USO1: variants seen among roughly 807,000 people sequenced by gnomAD.
USO1 encodes the protein USO1 vesicle transport factor, also known as general vesicular transport factor p115.
In USO1, 57 loss-of-function variants were observed where a neutral mutation model predicts 124.5. The observed-to-expected ratio is 0.46, with a 90% CI of 0.37 to 0.57. The LOEUF (loss-of-function observed/expected upper bound fraction) is 0.57. Ranked by LOEUF, USO1 falls within the 20% of genes least tolerant of loss-of-function variation. The pLI is 0.00. For synonymous variants in USO1, 369 were observed against 362.8 expected, an observed-to-expected ratio of 1.02 and a Z score of -0.19; for missense variants, 900 against 1,040.6, an observed-to-expected ratio of 0.86 and a Z score of 1.86.
At chr4:75,787,295 G>A (rs1417882638) in intron 10 of USO1, 93 bp downstream of exon 10, 2 of 1,340,824 alleles carry the variant, frequency 1.5e-6, no homozygotes, top group East Asian at 2.8e-5. Flanking sequence ...AACTACAATA[G>A]TTAACCATTT....
At chr4:75,751,972 G>C (rs1451726106) in intron 1 of USO1, among the ~76,000 whole-genome samples, 2 of 151,954 alleles carry the variant, frequency 1.3e-5, no homozygotes, top group Non-Finnish European at 2.9e-5. Flanking sequence ...GAAAATGTTA[G>C]GAAAAAGATG....
chr4:75,767,312 C>T (rs1170060420), intron 4 of USO1, among the ~76,000 whole-genome samples: 1 of 152,208 alleles, frequency 6.6e-6, no homozygotes, highest in Admixed American at 6.5e-5. Context: ...GATATTCACT[C>T]AATATCTTTA....
chr4:75,800,173 G>A (rs1020645494), intron 14 of USO1, among the ~76,000 whole-genome samples, 178 bp from the exon 15 acceptor site: 1 of 152,006 alleles, frequency 6.6e-6, no homozygotes, highest in Non-Finnish European at 1.5e-5. Flanking sequence ...CTGACCTCAG[G>A]TGATCCACCC....
At chr4:75,810,293 C>T (rs1723108615) in intron 21 of USO1, 139 bp from the exon 22 acceptor site, 1 of 952,160 alleles carries the variant, frequency 1.1e-6, no homozygotes, top group East Asian at 3.1e-5. Context: ...CACTTTGTTG[C>T]ACATAAATAC....
intron 1 of USO1, 45 bp downstream of exon 1, chr4:75,724,930 G>C (rs1230808840): frequency 1.2e-6 from 2 of 1,605,188 alleles, no homozygotes; most frequent in Non-Finnish European, 1.7e-6. Flanking sequence ...GGTCCGGGCA[G>C]GGACGGGGAC....
Position 75,801,165 on chromosome 4 carries a change from A to T in USO1, c.1951A>T (p.Ile651Phe), listed in dbSNP as rs766844248. ...VKKTLEQHDNIVTHYKNMIRE... is the reference protein window; with the variant it reads ...VKKTLEQHDNFVTHYKNMIRE... ...AAAAACATTAGAACAGCATGACAAT[A>T]TTGTGACTCACTACAAAAATATGAT... The change falls in exon 17 of 24, where the codon ATT (isoleucine) becomes TTT (phenylalanine). Residue 651 changes from isoleucine (I) to phenylalanine (F), a missense_variant. Physicochemically the swap from Ile to Phe is conservative, Grantham distance 21. Coordinates refer to ENST00000514213, the MANE Select transcript of USO1 (RefSeq NM_003715.4). 9 of 1,610,688 alleles carry T rather than the reference A, an allele frequency of 5.6e-6. No homozygotes were observed. In the South Asian group the frequency reaches 1.0e-4, roughly 18 times the overall value.
intron 1 of USO1, among the ~76,000 whole-genome samples, chr4:75,725,171 CG>C (rs1389508284): frequency 6.6e-6 from 1 of 152,206 alleles, no homozygotes; most frequent in Non-Finnish European, 1.5e-5. Flanking sequence ...TGGTACCGCA[CG>C]GGAAGGGACG....
At chr4:75,804,500 T>G (rs1398140773) in intron 18 of USO1, among the ~76,000 whole-genome samples, 3 of 152,174 alleles carry the variant, frequency 2.0e-5, no homozygotes, top group Admixed American at 1.3e-4. Context: ...ATCTGGCCCA[T>G]TGATTCTCAA....
Position 75,793,603 on chromosome 4 carries a change from T to C in USO1, c.1241-87T>C, listed in dbSNP as rs573009058. 26 of 1,481,984 alleles carry C rather than the reference T, an allele frequency of 1.8e-5. 1 individual carries two copies. In the African/African-American group the frequency reaches 3.2e-4, roughly 18 times the overall value. 91.8% of individuals were successfully genotyped at this position (1,481,984 alleles called of 1,614,324 possible). ...TTATATTTAATGGTATTTCACACTA[T>C]TTTATGTGTACAGAAAACAATTTAT... is the stretch of plus-strand genomic sequence containing the variant. On this transcript the variant is annotated intron_variant, in intron 12 of 23. Transcript: ENST00000514213.
At position 75,797,966 on chromosome 4, in the gene USO1, G is replaced by A. The variant is rs138890792; in HGVS notation, c.1453-1656G>A. 7.6e-4 allele frequency among the ~76,000 whole-genome samples: 116 copies of A among 152,260 alleles called. No homozygotes were observed. The East Asian group carries it at 0.02, about 26-fold the overall frequency. On this transcript the variant is annotated intron_variant, in intron 13 of 23. Transcript: ENST00000514213. ...AACTTAGAATTAACACCTTTGTGAT[G>A]TTGAGTCTCCTATCTAAGAACATGG...
intron 8 of USO1, among the ~76,000 whole-genome samples, chr4:75,782,413 A>G (rs1370502890): frequency 1.3e-5 from 2 of 152,176 alleles, no homozygotes; most frequent in African/African-American, 4.8e-5. Flanking sequence ...TTCCTGAAGA[A>G]ATGATGTTTA....
chr4:75,738,148 T>C (rs545364609), intron 1 of USO1, among the ~76,000 whole-genome samples: 2 of 152,064 alleles, frequency 1.3e-5, no homozygotes, highest in South Asian at 4.2e-4. Flanking sequence ...ACTATTATTT[T>C]TTAAAATTCT....
At chr4:75,778,213 CTA>C (rs1231404580) in intron 8 of USO1, among the ~76,000 whole-genome samples, 1 of 152,104 alleles carries the variant, frequency 6.6e-6, no homozygotes. Context: ...CGCTAATAGA[CTA>C]TGTTTACCAG....
intron 17 of USO1, among the ~76,000 whole-genome samples, chr4:75,803,201 G>C (rs1284393581): frequency 6.6e-6 from 1 of 151,662 alleles, no homozygotes; most frequent in Non-Finnish European, 1.5e-5. Context: ...AATTAGATAG[G>C]ATTAAAAATT....
rs961747821 is a variant in USO1 at position 75,798,889 on chromosome 4, G to A, written c.1453-733G>A. Among the ~76,000 whole-genome samples, 6 of 151,982 alleles carry A rather than the reference G, an allele frequency of 3.9e-5. 1 individual carries two copies. The highest frequency in any genetic ancestry group is 1.4e-4 in the African/African-American group (6 of 41,382). On this transcript the variant is annotated intron_variant, in intron 13 of 23. Transcript: ENST00000514213. ...TATAAATATGGGCACTGTCAATATT[G>A]TGAACTAAGAGAATATTCTACCTAG...
Position 75,752,475 on chromosome 4 carries a change from A to C in USO1, c.153+16A>C. ...ATTATCTAAGGTTTGTAACTTTGTA[A>C]ATGTTTTAAGTTTCTTAAGTTGGAT... On this transcript the variant is annotated intron_variant, in intron 2 of 23. Transcript: ENST00000514213. The C allele has an allele frequency of 2.5e-6, 1 of 398,410 alleles. No homozygotes were observed. Among genetic ancestry groups the C allele is most frequent in the Non-Finnish European group, 4.4e-6 (1 of 226,010 alleles). 24.7% of individuals were successfully genotyped at this position (398,410 alleles called of 1,614,324 possible).
intron 1 of USO1, among the ~76,000 whole-genome samples, chr4:75,726,709 C>G (rs1259219351): frequency 6.6e-6 from 1 of 152,222 alleles, no homozygotes; most frequent in Non-Finnish European, 1.5e-5. Flanking sequence ...TTCACTCATC[C>G]ATTCCCACTT....
chr4:75,801,125 A>G lies in USO1; in HGVS notation c.1911A>G (p.Lys637=), dbSNP rs1183185565. 2 of 1,606,074 alleles carry G rather than the reference A, an allele frequency of 1.2e-6. No individual in the cohort carries two copies. Among genetic ancestry groups the G allele is most frequent in the Non-Finnish European group, 1.7e-6 (2 of 1,176,014 alleles). The change falls in exon 17 of 24, where the codon AAA becomes AAG. Residue 637 remains lysine, a synonymous_variant. Coordinates refer to ENST00000514213, the MANE Select transcript of USO1 (RefSeq NM_003715.4). The part of the protein sequence containing the change: ...AIYKSSEEDK[K]EEEVKKTLEQ... ...ATAAGTCCAGTGAAGAAGATAAAAA[A>G]GAAGAAGAGGTGAAAAAAACATTAG...
intron 14 of USO1, 75 bp downstream of exon 14, chr4:75,799,807 T>C (rs2149188646): frequency 6.5e-7 from 1 of 1,526,956 alleles, no homozygotes. Flanking sequence ...TTAGAAGTAG[T>C]TCTATGCCCA....
Sources: gnomAD v4.1 joint callset for allele counts (sites outside exome capture counted in the v4.1 genomes callset) on GRCh38, gnomAD v4.1.1 for gene constraint, MANE v1.5 for transcripts, NCBI Gene and HGNC (gene_info 2026-07-23, HGNC 2026-07-21) for gene names.